NRXN1: variants seen among roughly 807,000 people sequenced by gnomAD.
The protein encoded by NRXN1 is neurexin 1.
A neutral mutation model predicts 150.9 loss-of-function variants in NRXN1; 39 were observed. The ratio of observed to expected loss-of-function variants is 0.26; its 90% CI spans 0.20 to 0.34. The LOEUF is 0.34. Ranked by LOEUF, NRXN1 falls within the 10% of genes least tolerant of loss-of-function variation. NRXN1 has a pLI of 1.00. For synonymous variants in NRXN1, 924 were observed against 757.0 expected (o/e 1.22, Z -3.62); for missense variants, 1,815 against 1,949.9 (o/e 0.93, Z 1.30).
chr2:50,828,061 C>G (rs1249406665), intron 5 of NRXN1, among the ~76,000 whole-genome samples: 1 of 150,416 alleles, frequency 6.6e-6, no homozygotes, highest in East Asian at 1.9e-4. Context: ...CACCTTTCCC[C>G]GCTTTCTATT....
intron 5 of NRXN1, among the ~76,000 whole-genome samples, chr2:50,669,103 C>T (rs1413305103): frequency 6.6e-6 from 1 of 151,802 alleles, no homozygotes; most frequent in Non-Finnish European, 1.5e-5. Flanking sequence ...GTGTAGCCAG[C>T]TGGTCTGAAG....
intron 5 of NRXN1, among the ~76,000 whole-genome samples, chr2:50,855,618 C>T (rs1044162203): frequency 3.3e-5 from 5 of 151,908 alleles, no homozygotes; most frequent in Non-Finnish European, 7.4e-5. Context: ...AGGTGTATGG[C>T]CCAATAGCAA....
intron 8 of NRXN1, among the ~76,000 whole-genome samples, chr2:50,585,337 CAG>C (rs1672924948): frequency 6.6e-6 from 1 of 152,038 alleles, no homozygotes; most frequent in South Asian, 2.1e-4. Context: ...TCCAGAGAAA[CAG>C]AAAGTAGAAT....
chr2:50,959,914 C>A (rs1692875831), intron 2 of NRXN1, among the ~76,000 whole-genome samples: 1 of 151,972 alleles, frequency 6.6e-6, no homozygotes. Context: ...AATGACTTGT[C>A]CAAAATTGCA....
At chr2:51,000,886 T>G (rs1699953901) in intron 2 of NRXN1, among the ~76,000 whole-genome samples, 1 of 151,906 alleles carries the variant, frequency 6.6e-6, no homozygotes, top group Non-Finnish European at 1.5e-5. Context: ...GAACACTACT[T>G]AACTACTCCT....
intron 21 of NRXN1, among the ~76,000 whole-genome samples, chr2:50,015,440 A>G (rs1034362583): frequency 6.6e-6 from 1 of 150,894 alleles, no homozygotes; most frequent in Non-Finnish European, 1.5e-5. Context: ...AGGGAGGAAG[A>G]AATGAGAATA....
chr2:50,833,819 C>T (rs1671734666), intron 5 of NRXN1, among the ~76,000 whole-genome samples: 1 of 152,090 alleles, frequency 6.6e-6, no homozygotes, highest in Admixed American at 6.5e-5. Flanking sequence ...AAAAAATCTT[C>T]TAAGGAAATG....
intron 18 of NRXN1, among the ~76,000 whole-genome samples, chr2:50,111,778 A>G (rs1702408945): frequency 6.6e-6 from 1 of 152,192 alleles, no homozygotes; most frequent in Non-Finnish European, 1.5e-5. Context: ...CAGTCAGCCC[A>G]GGTTTTCTGC....
At chr2:50,232,527 C>G (rs1005475111) in intron 18 of NRXN1, among the ~76,000 whole-genome samples, 2 of 151,572 alleles carry the variant, frequency 1.3e-5, no homozygotes, top group African/African-American at 4.8e-5. Context: ...GCTGGGACTA[C>G]AGGCATGTGT....
At chr2:50,527,603 T>C (rs895320413) in intron 12 of NRXN1, among the ~76,000 whole-genome samples, 2 of 152,112 alleles carry the variant, frequency 1.3e-5, no homozygotes, top group Non-Finnish European at 2.9e-5. Flanking sequence ...GAATTATGAG[T>C]TGTAAGAGGC....
chr2:50,623,129 T>A (rs552108670), intron 6 of NRXN1, among the ~76,000 whole-genome samples, 185 bp downstream of exon 6: 1 of 152,058 alleles, frequency 6.6e-6, no homozygotes, highest in Non-Finnish European at 1.5e-5. Context: ...GCCTTTGGGC[T>A]CCCAGAACTT....
At chr2:50,730,469 G>C (rs1405253908) in intron 5 of NRXN1, among the ~76,000 whole-genome samples, 2 of 152,036 alleles carry the variant, frequency 1.3e-5, no homozygotes, top group Non-Finnish European at 2.9e-5. Flanking sequence ...CCTCTGTCCA[G>C]TCAATGAGAG....
In NRXN1 at chr2:51,028,357, C is replaced by T; in HGVS notation, c.-84G>A. ...GACACCGTGACGAAGAAATAAGGGT[C>T]CCGAGAGACAGAAAGGTAAGGGGAA... On this transcript the variant is annotated 5_prime_UTR_variant, in exon 2 of 23. Transcript: ENST00000401669. The T allele has an allele frequency of 6.6e-6, 6 of 907,592 alleles. No homozygotes were observed. Among genetic ancestry groups the T allele is most frequent in the Non-Finnish European group, 9.3e-6 (6 of 645,788 alleles). 56.2% of individuals were successfully genotyped at this position (907,592 alleles called of 1,614,324 possible). A position where few individuals can be genotyped will look rare whatever the true frequency, so the allele number is the denominator to read the frequency against.
At chr2:50,069,177 C>T (rs1695826184) in intron 19 of NRXN1, among the ~76,000 whole-genome samples, 1 of 152,080 alleles carries the variant, frequency 6.6e-6, no homozygotes, top group Non-Finnish European at 1.5e-5. Context: ...CATTTTAATC[C>T]ATATATTAAT....
chr2:50,356,967 CCT>C (rs1428992299), intron 17 of NRXN1, among the ~76,000 whole-genome samples: 1 of 151,908 alleles, frequency 6.6e-6, no homozygotes, highest in African/African-American at 2.4e-5. Flanking sequence ...GAAACAAATG[CCT>C]CACTACCAAT....
At chr2:50,880,953 A>T (rs1268643546) in intron 5 of NRXN1, among the ~76,000 whole-genome samples, 1 of 151,952 alleles carries the variant, frequency 6.6e-6, no homozygotes, top group Admixed American at 6.6e-5. Context: ...GAGTAGAGTC[A>T]AGGTGTCTCA....
At chr2:50,118,977 CT>C (rs751849660) in intron 18 of NRXN1, among the ~76,000 whole-genome samples, 92 of 139,122 alleles carry the variant, frequency 6.6e-4, no homozygotes, top group Non-Finnish European at 7.2e-4. Context: ...GTTAACCTGT[CT>C]TTTTTTTTTT....
Position 50,244,952 on chromosome 2 carries a change from G to A in NRXN1, c.3365-7982C>T, listed in dbSNP as rs1339996802. On this transcript the variant is annotated intron_variant, in intron 17 of 22. Coordinates refer to ENST00000401669, the MANE Select transcript of NRXN1 (RefSeq NM_001330078.2). ...AAAATGATAAGAAAAATCTATGTGTGTATATGTATTTTCTTTTAGGTCAAA... is the reference window on the plus strand; with the variant it reads ...AAAATGATAAGAAAAATCTATGTGTATATATGTATTTTCTTTTAGGTCAAA... 2.0e-5 allele frequency among the ~76,000 whole-genome samples: 3 copies of A among 151,842 alleles called. No individual in the cohort carries two copies. The Admixed American group carries it at 2.0e-4, about 10-fold the overall frequency.
chr2:49,970,890 G>A (rs1346779581), intron 21 of NRXN1, among the ~76,000 whole-genome samples: 1 of 152,010 alleles, frequency 6.6e-6, no homozygotes, highest in Non-Finnish European at 1.5e-5. Context: ...AACACTGGGA[G>A]CAGGGAAAAT....
Sources: gnomAD v4.1 joint callset for allele counts (sites outside exome capture counted in the v4.1 genomes callset) on GRCh38, gnomAD v4.1.1 for gene constraint, MANE v1.5 for transcripts, NCBI Gene and HGNC (gene_info 2026-07-23, HGNC 2026-07-21) for gene names.